Variants in GLI3 observed in about 807,000 individuals in gnomAD.
GLI3 encodes transcription activator GLI3.
GLI3 carries 20 observed loss-of-function variants against 100.8 expected under a neutral mutation model. That is an observed-to-expected ratio of 0.20 (90% confidence interval 0.14 to 0.29). GLI3 has a LOEUF of 0.29. Ranked by LOEUF, GLI3 falls within the 10% of genes least tolerant of loss-of-function variation. GLI3 has a pLI of 1.00. For missense variants in GLI3, 2,040 were observed against 2,128.5 expected (o/e 0.96, Z 0.82); for synonymous variants, 938 against 860.5 (o/e 1.09, Z -1.58).
chr7:42,200,855 CA>C (rs1021574848), intron 2 of GLI3, among the ~76,000 whole-genome samples: 1 of 151,998 alleles, frequency 6.6e-6, no homozygotes, highest in Admixed American at 6.5e-5. Context: ...TGAGCCTGTG[CA>C]AAAACACAGG....
intron 2 of GLI3, among the ~76,000 whole-genome samples, chr7:42,183,609 C>A (rs1433142059): frequency 6.6e-6 from 1 of 152,170 alleles, no homozygotes; most frequent in Admixed American, 6.5e-5. Flanking sequence ...ACTGAAGGAC[C>A]TGTGACAGCC....
intron 10 of GLI3, among the ~76,000 whole-genome samples, chr7:42,019,310 A>C (rs1788866227): frequency 6.6e-6 from 1 of 152,216 alleles, no homozygotes; most frequent in African/African-American, 2.4e-5. Context: ...TGCACAACCA[A>C]AGTGTGCAGG....
intron 10 of GLI3, among the ~76,000 whole-genome samples, chr7:41,991,780 A>G (rs778851558): frequency 1.3e-5 from 2 of 152,226 alleles, no homozygotes; most frequent in Non-Finnish European, 2.9e-5. Flanking sequence ...TTCAGAAGGA[A>G]GAAAGGGAGG....
chr7:41,997,857 A>T (rs914976175), intron 10 of GLI3, among the ~76,000 whole-genome samples: 7 of 152,104 alleles, frequency 4.6e-5, no homozygotes, highest in African/African-American at 1.7e-4. Context: ...CTCATATTTC[A>T]TTGTAGCTGC....
At chr7:42,079,540 T>G (rs1784956155) in intron 3 of GLI3, among the ~76,000 whole-genome samples, 1 of 152,164 alleles carries the variant, frequency 6.6e-6, no homozygotes, top group Non-Finnish European at 1.5e-5. Context: ...CCTGCAGACT[T>G]CTTACTTAAC....
intron 3 of GLI3, chr7:42,113,521 G>T: frequency 8.7e-7 from 1 of 1,149,442 alleles, no homozygotes. Flanking sequence ...AAGGGAAAAA[G>T]GGAAAAGCTG....
intron 10 of GLI3, among the ~76,000 whole-genome samples, chr7:42,021,945 A>G (rs1309759969): frequency 6.6e-6 from 1 of 152,156 alleles, no homozygotes; most frequent in East Asian, 1.9e-4. Context: ...TGATATTCCA[A>G]TGTTTTTGTG....
At chr7:42,186,147 G>A (rs1233188042) in intron 2 of GLI3, among the ~76,000 whole-genome samples, 2 of 152,152 alleles carry the variant, frequency 1.3e-5, no homozygotes, top group African/African-American at 4.8e-5. Context: ...ACGAAAAACA[G>A]TAAAATCTCA....
At chr7:42,107,272 G>T (rs546450788) in intron 3 of GLI3, among the ~76,000 whole-genome samples, 1 of 151,996 alleles carries the variant, frequency 6.6e-6, no homozygotes, top group African/African-American at 2.4e-5. Flanking sequence ...TCGGGGCTGC[G>T]TGAGCCGAGA....
At chr7:42,189,098 G>C (rs1160740022) in intron 2 of GLI3, among the ~76,000 whole-genome samples, 1 of 152,098 alleles carries the variant, frequency 6.6e-6, no homozygotes, top group Non-Finnish European at 1.5e-5. Flanking sequence ...TGTGGGGGCA[G>C]GAAGGCATAT....
At chr7:42,159,293 A>C (rs1362660140) in intron 2 of GLI3, among the ~76,000 whole-genome samples, 1 of 152,186 alleles carries the variant, frequency 6.6e-6, no homozygotes, top group African/African-American at 2.4e-5. Flanking sequence ...AAAGTTAAAG[A>C]AGCATATGGT....
intron 3 of GLI3, chr7:42,113,412 G>C (rs1385558596): frequency 7.0e-6 from 5 of 714,610 alleles, no homozygotes; most frequent in Non-Finnish European, 1.3e-5. Flanking sequence ...ATGAAGCCAA[G>C]GTGAAGGATG....
chr7:42,092,368 T>G (rs1291264451), intron 3 of GLI3, among the ~76,000 whole-genome samples: 1 of 152,154 alleles, frequency 6.6e-6, no homozygotes. Flanking sequence ...ACACACAGGC[T>G]GGAGCAGCAA....
intron 10 of GLI3, among the ~76,000 whole-genome samples, chr7:42,007,902 T>TAA (rs369612424): frequency 6.6e-6 from 1 of 150,696 alleles, no homozygotes; most frequent in African/African-American, 2.4e-5. Context: ...TGTTTTATAA[T>TAA]AAAAAAATTA....
chr7:42,121,021 G>A (rs891001280), intron 3 of GLI3, among the ~76,000 whole-genome samples: 1 of 152,156 alleles, frequency 6.6e-6, no homozygotes, highest in Non-Finnish European at 1.5e-5. Context: ...ATGTTCACTG[G>A]CTCCTGCATC....
chr7:42,064,547 G>C (rs566305551), intron 4 of GLI3, among the ~76,000 whole-genome samples: 103 of 152,288 alleles, frequency 6.8e-4, no homozygotes, highest in African/African-American at 2.5e-3. Context: ...GTTTGAGTTT[G>C]CTGGAATTAC....
intron 3 of GLI3, among the ~76,000 whole-genome samples, chr7:42,081,859 G>A (rs1005845140): frequency 3.9e-5 from 6 of 152,032 alleles, no homozygotes; most frequent in African/African-American, 1.2e-4. Context: ...GAAAGTGCCC[G>A]GGAAACAGTG....
At chr7:42,041,657 G>A (rs1203910330) in intron 6 of GLI3, among the ~76,000 whole-genome samples, 1 of 152,004 alleles carries the variant, frequency 6.6e-6, no homozygotes, top group Non-Finnish European at 1.5e-5. Context: ...AAAAAAAAAT[G>A]TCCAGGCTCT....
intron 3 of GLI3, among the ~76,000 whole-genome samples, chr7:42,120,522 C>T (rs556876779): frequency 2.0e-5 from 3 of 152,278 alleles, no homozygotes; most frequent in East Asian, 1.9e-4. Context: ...ATTTGCTTTC[C>T]GTTGTGGGAT....
Sources: gnomAD v4.1 joint callset for allele counts (sites outside exome capture counted in the v4.1 genomes callset) on GRCh38, gnomAD v4.1.1 for gene constraint, MANE v1.5 for transcripts, NCBI Gene and HGNC (gene_info 2026-07-23, HGNC 2026-07-21) for gene names.